The following ACVR2B variants were observed in gnomAD, a reference collection of about 807,000 sequenced individuals.
The protein encoded by ACVR2B is activin A receptor type 2B, also known as activin receptor type-2B.
A neutral mutation model predicts 65.1 loss-of-function variants in ACVR2B; 18 were observed. The observed-to-expected ratio is 0.28, with a 90% CI of 0.19 to 0.41. The LOEUF is 0.41. Among genes scored for constraint, ACVR2B ranks in the 10% least tolerant of loss-of-function variants. ACVR2B has a pLI of 1.00. For synonymous variants in ACVR2B, 298 were observed against 277.7 expected (o/e 1.07, Z -0.73); for missense variants, 482 against 682.7 (o/e 0.71, Z 3.28).
In ACVR2B at chr3:38,492,641, T is replaced by TC; in HGVS notation, c.*9309_*9310insC. ...CAAAAGTTATACTAAAGTATCATGT[T>TC]TAAAAAAAATATATATATATATACA... is the stretch of plus-strand genomic sequence containing the variant. On this transcript the variant is annotated 3_prime_UTR_variant, in exon 11 of 11. Transcript: ENST00000352511. The TC allele has an allele frequency of 2.1e-5, 1 of 48,648 alleles. No individual in the cohort carries two copies. Among genetic ancestry groups the TC allele is most frequent in the East Asian group, 1.2e-3 (1 of 852 alleles). 3.0% of individuals were successfully genotyped at this position (48,648 alleles called of 1,614,324 possible).
chr3:38,467,571 T>C (rs2125716325), intron 1 of ACVR2B, among the ~76,000 whole-genome samples: 1 of 144,180 alleles, frequency 6.9e-6, no homozygotes, highest in Non-Finnish European at 1.5e-5. Context: ...GGCAACGTAG[T>C]GAGACCCCAT....
At chr3:38,461,158 A>G (rs79381676) in intron 1 of ACVR2B, among the ~76,000 whole-genome samples, 423 of 152,274 alleles carry the variant, frequency 2.8e-3, no homozygotes, top group African/African-American at 7.4e-3. Context: ...TATGAGGACA[A>G]TGCCTTTTAA....
In ACVR2B at chr3:38,491,607, T is replaced by G. The variant is rs931298492; in HGVS notation, c.*8275T>G. 1 of 152,268 alleles carries G rather than the reference T, an allele frequency of 6.6e-6. No individual in the cohort carries two copies. The highest frequency in any genetic ancestry group is 1.5e-5 in the Non-Finnish European group (1 of 68,036). 9.4% of individuals were successfully genotyped at this position (152,268 alleles called of 1,614,324 possible). A position where few individuals can be genotyped will look rare whatever the true frequency, so the allele number is the denominator to read the frequency against. Reference sequence around the variant, plus strand: ...TGACAGAGATGAGAGTAGAAAAGATTAGGCAACATCTGAGTTTTAACTTGA... The same window carrying G: ...TGACAGAGATGAGAGTAGAAAAGATGAGGCAACATCTGAGTTTTAACTTGA... On this transcript the variant is annotated 3_prime_UTR_variant, in exon 11 of 11. Transcript: ENST00000352511.
rs1348752431 is a variant in ACVR2B at position 38,477,220 on chromosome 3, TG to T, written c.53-64del. 8.8e-6 allele frequency: 14 copies of T among 1,584,990 alleles called. No individual in the cohort carries two copies. The highest frequency in any genetic ancestry group is 1.1e-5 in the Non-Finnish European group (13 of 1,159,894). ...CTCAGGGTGGCCTGGCACCCAGGAC[TG>T]GGAGTAGGGGTTTGGGTGGTGGTCC... On this transcript the variant is annotated intron_variant, in intron 1 of 10. Coordinates refer to ENST00000352511, the MANE Select transcript of ACVR2B (RefSeq NM_001106.4). The surrounding 1 kb of genome is among the most constrained non-coding windows in gnomAD (Gnocchi z 6.7).
rs140285560 is a variant in ACVR2B, at chr3:38,482,503, G to A, written c.1287G>A (p.Glu429=). 2.4e-5 allele frequency: 38 copies of A among 1,612,454 alleles called. No homozygotes were observed. The South Asian group carries it at 2.6e-4, about 11-fold the overall frequency. The change falls in exon 10 of 11, where the codon GAG becomes GAA. Residue 429 remains glutamate, a synonymous_variant. Coordinates refer to ENST00000352511, the MANE Select transcript of ACVR2B (RefSeq NM_001106.4). ...ACCCTTCGTTGGAGGAGCTGCAGGA[G>A]GTGGTGGTGCACAAGAAGATGAGGC... is the stretch of plus-strand genomic sequence containing the variant. ...GQHPSLEELQ[E]VVVHKKMRPT... is the part of the protein sequence containing the mutation.
At chr3:38,457,516 G>A (rs74538407) in intron 1 of ACVR2B, among the ~76,000 whole-genome samples, 16 of 152,344 alleles carry the variant, frequency 1.1e-4, no homozygotes, top group East Asian at 7.7e-4. Context: ...AGTCTTTTGT[G>A]GTCTGTGCTT....
intron 1 of ACVR2B, chr3:38,476,094 C>G (rs898107327): frequency 1.3e-5 from 2 of 152,278 alleles, no homozygotes; most frequent in Non-Finnish European, 2.9e-5. Flanking sequence ...TGGCAGAGCT[C>G]TCAGACAGAA....
In ACVR2B at chr3:38,490,340, G is replaced by A. The variant is rs929661587; in HGVS notation, c.*7008G>A. The A allele has an allele frequency of 6.6e-6, 1 of 152,528 alleles. No homozygotes were observed. Among genetic ancestry groups the A allele is most frequent in the African/African-American group, 2.4e-5 (1 of 41,416 alleles). The allele number at this position is 152,528 out of a possible 1,614,324, so 9.4% of individuals were successfully genotyped here. A position where few individuals can be genotyped will look rare whatever the true frequency, so the allele number is the denominator to read the frequency against. On this transcript the variant is annotated 3_prime_UTR_variant, in exon 11 of 11. Transcript: ENST00000352511. ...TAGTTTTATCAAGAGAATCCCTAAT[G>A]TGTCATTTTAAACCAGCTGTGCTTT... is the stretch of plus-strand genomic sequence containing the variant.
At chr3:38,480,051 C>T (rs1041316189) in intron 7 of ACVR2B, among the ~76,000 whole-genome samples, 1 of 152,208 alleles carries the variant, frequency 6.6e-6, no homozygotes, top group African/African-American at 2.4e-5. Context: ...ACATGAAGTG[C>T]TGACTCCATT....
rs1457419687 is a variant in ACVR2B, at chr3:38,484,037, T to C, written c.*705T>C. The C allele has an allele frequency of 6.6e-6, 1 of 152,620 alleles. No homozygotes were observed. Among genetic ancestry groups the C allele is most frequent in the Non-Finnish European group, 1.5e-5 (1 of 68,102 alleles). The allele number at this position is 152,620 out of a possible 1,614,324, so 9.5% of individuals were successfully genotyped here. On this transcript the variant is annotated 3_prime_UTR_variant, in exon 11 of 11. Transcript: ENST00000352511. ...GGACTCGGGCACATTCGGAGCAGCA[T>C]CCTTTAGTATGGAGGCTACTTCTCA...
At chr3:38,473,972 C>G (rs1185036814) in intron 1 of ACVR2B, 1 of 152,376 alleles carries the variant, frequency 6.6e-6, no homozygotes, top group African/African-American at 2.4e-5. Flanking sequence ...ACCTCCGCCT[C>G]CTGGGTTCAA....
chr3:38,455,225 C>G (rs1709526927), intron 1 of ACVR2B, among the ~76,000 whole-genome samples: 1 of 152,076 alleles, frequency 6.6e-6, no homozygotes, highest in Non-Finnish European at 1.5e-5. Context: ...GGTCCAAGCA[C>G]CGATTTCCCT....
rs774908956 is a variant in ACVR2B at position 38,481,510 on chromosome 3, A to G, written c.1074+45A>G. 1 of 1,541,366 alleles carries G rather than the reference A, an allele frequency of 6.5e-7. No individual in the cohort carries two copies. Among genetic ancestry groups the G allele is most frequent in the South Asian group, 1.1e-5 (1 of 89,592 alleles). Reference sequence around the variant, plus strand: ...AGGAAGAGAGGGACAGACCCAGGGTAGATACTTTGCCCTTTTTGTGCTCAG... The same window carrying G: ...AGGAAGAGAGGGACAGACCCAGGGTGGATACTTTGCCCTTTTTGTGCTCAG... On this transcript the variant is annotated intron_variant, in intron 8 of 10. Transcript: ENST00000352511. This position sits in a 1 kb window ranked among gnomAD's most constrained non-coding sequence, Gnocchi z 4.7.
intron 1 of ACVR2B, among the ~76,000 whole-genome samples, chr3:38,468,494 A>C: frequency 6.6e-6 from 1 of 152,056 alleles, no homozygotes; most frequent in East Asian, 1.9e-4. Context: ...CTCTCTGTTC[A>C]TTTTCTTTAG....
At position 38,456,972 on chromosome 3, in the gene ACVR2B, T is replaced by C. The variant is rs1310280863; in HGVS notation, c.52+2598T>C. 5.3e-5 allele frequency among the ~76,000 whole-genome samples: 8 copies of C among 152,120 alleles called. No homozygotes were observed. In the East Asian group the frequency reaches 1.2e-3, roughly 22 times the overall value. ...CAGTAATCCCAGCACTTTGGGAGGC[T>C]GAGGTGGGAGGATCACGAGGTCAAG... On this transcript the variant is annotated intron_variant, in intron 1 of 10. Coordinates refer to ENST00000352511, the MANE Select transcript of ACVR2B (RefSeq NM_001106.4).
In ACVR2B at chr3:38,488,504, A is replaced by G. The variant is rs1036321028; in HGVS notation, c.*5172A>G. On this transcript the variant is annotated 3_prime_UTR_variant, in exon 11 of 11. Transcript: ENST00000352511. ...AGGCCTGCCAACAAAGAAAAGTCCA[A>G]ATTATCTAGTGGGACATTTTGAATG... 2 of 152,176 alleles carry G rather than the reference A, an allele frequency of 1.3e-5. No homozygotes were observed. Among genetic ancestry groups the G allele is most frequent in the Non-Finnish European group, 2.9e-5 (2 of 68,038 alleles). The allele number at this position is 152,176 out of a possible 1,614,324, so 9.4% of individuals were successfully genotyped here. A position where few individuals can be genotyped will look rare whatever the true frequency, so the allele number is the denominator to read the frequency against.
chr3:38,465,924 A>G (rs1709719636), intron 1 of ACVR2B, among the ~76,000 whole-genome samples: 1 of 152,264 alleles, frequency 6.6e-6, no homozygotes. Flanking sequence ...GAAAAAAGGC[A>G]TTACTATCAA....
intron 1 of ACVR2B, chr3:38,459,789 CT>C: frequency 2.0e-6 from 1 of 509,872 alleles, no homozygotes; most frequent in Non-Finnish European, 2.5e-6. Context: ...GTGGGCAGCG[CT>C]GCCTTAGACA....
chr3:38,463,536 A>C (rs1056793381), intron 1 of ACVR2B, among the ~76,000 whole-genome samples: 1 of 152,182 alleles, frequency 6.6e-6, no homozygotes, highest in Non-Finnish European at 1.5e-5. Flanking sequence ...TAGGGAAGAT[A>C]GTTTGGGATG....
Sources: gnomAD v4.1 joint callset for allele counts (sites outside exome capture counted in the v4.1 genomes callset) on GRCh38, gnomAD v4.1.1 for gene constraint, Gnocchi (gnomAD v3.1) non-coding constraint, MANE v1.5 for transcripts, NCBI Gene and HGNC (gene_info 2026-07-23, HGNC 2026-07-21) for gene names.